Variants in EARS2 observed in about 807,000 individuals in gnomAD.
EARS2 encodes glutamyl-tRNA synthetase 2, mitochondrial, also known as nondiscriminating glutamyl-tRNA synthetase EARS2, mitochondrial.
EARS2 carries 50 observed loss-of-function variants against 54.1 expected under a neutral mutation model. The observed-to-expected ratio is 0.92, with a 90% CI of 0.74 to 1.17. EARS2 has a LOEUF of 1.17. Ranked by LOEUF, EARS2 falls within the 50% of genes most tolerant of loss-of-function variation. EARS2 has a pLI of 0.00. For missense variants in EARS2, 673 were observed against 675.0 expected (o/e 1.00, Z 0.03); for synonymous variants, 298 against 281.0 (o/e 1.06, Z -0.61).
intron 8 of EARS2, 112 bp from the exon 9 acceptor site, chr16:23,524,566 G>A (rs1050191607): frequency 6.8e-6 from 6 of 878,842 alleles, no homozygotes; most frequent in Non-Finnish European, 1.1e-5. Flanking sequence ...ACTGCTGCCT[G>A]TGTTCTGAGG....
intron 2 of EARS2, among the ~76,000 whole-genome samples, chr16:23,549,339 C>T (rs1965656365): frequency 1.3e-5 from 2 of 152,204 alleles, no homozygotes; most frequent in Admixed American, 6.5e-5. Context: ...TCGTGGCACA[C>T]CCAGTCCAGC....
intron 3 of EARS2, among the ~76,000 whole-genome samples, chr16:23,538,419 G>A (rs140794772): frequency 3.3e-4 from 50 of 152,244 alleles, no homozygotes; most frequent in Middle Eastern, 3.4e-3. Flanking sequence ...GATTACAGGC[G>A]TGAGCCACCG....
intron 1 of EARS2, among the ~76,000 whole-genome samples, chr16:23,554,624 T>A (rs1188077508): frequency 6.6e-6 from 1 of 152,142 alleles, no homozygotes; most frequent in Non-Finnish European, 1.5e-5. Flanking sequence ...GTGTGTAACC[T>A]TCGGATAGTT....
Position 23,531,738 on chromosome 16 carries a change from T to C in EARS2, c.1067+919A>G, listed in dbSNP as rs368892432. Among the ~76,000 whole-genome samples the C allele has an allele frequency of 3.3e-5, 5 of 152,220 alleles. No homozygotes were observed. In the East Asian group the frequency reaches 7.7e-4, roughly 23 times the overall value. On this transcript the variant is annotated intron_variant, in intron 5 of 8. Transcript: ENST00000449606. ...TGCAAGTAAATGCACTGATACTGTG[T>C]CCCCAAACCAGTGCTCTAGGCAAAG...
chr16:23,552,001 C>T, intron 2 of EARS2, 148 bp downstream of exon 2: 1 of 905,076 alleles, frequency 1.1e-6, no homozygotes. Context: ...CAGGTGTCAT[C>T]TGCCACCCCG....
intron 2 of EARS2, among the ~76,000 whole-genome samples, chr16:23,550,282 C>T (rs1042323811): frequency 6.6e-6 from 1 of 151,556 alleles, no homozygotes; most frequent in African/African-American, 2.4e-5. Context: ...TGAGAGGATC[C>T]CTTGAGCTCA....
chr16:23,543,211 G>A (rs562096230), intron 3 of EARS2, among the ~76,000 whole-genome samples: 2 of 151,622 alleles, frequency 1.3e-5, no homozygotes, highest in South Asian at 4.2e-4. Flanking sequence ...TTGAGGCCAG[G>A]AGTTCAAGAC....
chr16:23,557,328 T>C lies in EARS2; in HGVS notation c.16A>G (p.Arg6Gly), dbSNP rs113722817. 11,000 of 1,549,354 alleles carry C rather than the reference T, an allele frequency of 7.1e-3. 61 individuals are homozygous for C. Among genetic ancestry groups the C allele is most frequent in the Middle Eastern group, 0.011 (66 of 5,924 alleles). Reference protein sequence around the residue: MAALLRRLLQRERPSA... With the variant: MAALLGRLLQRERPSA... Reference sequence around the variant, plus strand: ...GGCCTCTCGCGCTGCAGCAGTCTCCTCAGGAGCGCCGCCATGTGGGATGGA... The same window carrying C: ...GGCCTCTCGCGCTGCAGCAGTCTCCCCAGGAGCGCCGCCATGTGGGATGGA... Residue 6 changes from arginine (R) to glycine (G), a missense_variant, in exon 1 of 9, where the codon AGG (arginine) becomes GGG (glycine). Arg to Gly is a moderately radical substitution (Grantham distance 125). Coordinates refer to ENST00000449606, the MANE Select transcript of EARS2 (RefSeq NM_001083614.2).
intron 3 of EARS2, among the ~76,000 whole-genome samples, chr16:23,540,152 T>C (rs774359049): frequency 3.3e-5 from 5 of 151,938 alleles, no homozygotes; most frequent in Non-Finnish European, 7.4e-5. Flanking sequence ...AGACCCCATC[T>C]CAAAACAAAA....
intron 3 of EARS2, among the ~76,000 whole-genome samples, chr16:23,536,704 A>G (rs1384501068): frequency 7.4e-6 from 1 of 134,638 alleles, no homozygotes; most frequent in African/African-American, 2.8e-5. Context: ...TTTTTTTGAG[A>G]TAGAGTCTCG....
At chr16:23,550,455 T>TG (rs1965676292) in intron 2 of EARS2, among the ~76,000 whole-genome samples, 1 of 147,540 alleles carries the variant, frequency 6.8e-6, no homozygotes. Flanking sequence ...TTTTTTTTTT[T>TG]GAGACAGAGT....
At chr16:23,535,615 C>T (rs113215857) in intron 3 of EARS2, among the ~76,000 whole-genome samples, 14 of 152,278 alleles carry the variant, frequency 9.2e-5, no homozygotes, top group African/African-American at 3.1e-4. Flanking sequence ...ATGCTTAGTC[C>T]GAGGGGTTGA....
chr16:23,555,957 T>C lies in EARS2; in HGVS notation c.139+1248A>G, dbSNP rs138324546. On this transcript the variant is annotated intron_variant, in intron 1 of 8. Coordinates refer to ENST00000449606, the MANE Select transcript of EARS2 (RefSeq NM_001083614.2). ...GCTAACCCAAATAAAATGAGATTGGTTTGTATTTTGGATGTTTTCAAAATT... is the reference window on the plus strand; with the variant it reads ...GCTAACCCAAATAAAATGAGATTGGCTTGTATTTTGGATGTTTTCAAAATT... Among the ~76,000 whole-genome samples the C allele has an allele frequency of 6.5e-4, 99 of 152,356 alleles. No individual in the cohort carries two copies. The East Asian group carries it at 8.1e-3, about 12-fold the overall frequency.
intron 3 of EARS2, 91 bp downstream of exon 3, chr16:23,544,423 T>TA: frequency 9.4e-6 from 12 of 1,275,120 alleles, no homozygotes; most frequent in Non-Finnish European, 1.3e-5. Context: ...AACTGAGAGG[T>TA]AATACATGTT....
At chr16:23,529,329 C>T (rs959086757) in intron 7 of EARS2, among the ~76,000 whole-genome samples, 173 bp downstream of exon 7, 3 of 152,162 alleles carry the variant, frequency 2.0e-5, no homozygotes, top group African/African-American at 4.8e-5. Flanking sequence ...AGAGAAAGCC[C>T]GGGTTCTCCG....
rs1965817232 is a variant in EARS2 at position 23,557,321 on chromosome 16, A to T, written c.23T>A (p.Leu8Gln). Residue 8 changes from leucine (L) to glutamine (Q), a missense_variant, in exon 1 of 9, where the codon CTG becomes CAG. By Grantham distance (113) the Leu-to-Gln change is moderately radical. This residue lies in a region of EARS2 where 316 missense variants were observed against 275.2 expected (regional missense o/e 1.15). Transcript: ENST00000449606. Reference sequence around the variant, plus strand: ...CGCCGAAGGCCTCTCGCGCTGCAGCAGTCTCCTCAGGAGCGCCGCCATGTG... The same window carrying T: ...CGCCGAAGGCCTCTCGCGCTGCAGCTGTCTCCTCAGGAGCGCCGCCATGTG... MAALLRR[L>Q]LQRERPSAAS... 1 of 1,539,666 alleles carries T rather than the reference A, an allele frequency of 6.5e-7. No homozygotes were observed. The highest frequency in any genetic ancestry group is 8.7e-7 in the Non-Finnish European group (1 of 1,150,724).
In EARS2 at chr16:23,552,280, C is replaced by T. The variant is rs770862902; in HGVS notation, c.164G>A (p.Arg55His). ...AAAGATGTAGTTGTACAAGGCAGTG[C>T]GGAGGCCACCCAGGTGCAAGAAGCC... Reference protein sequence around the residue: ...PTGFLHLGGLRTALYNYIFAK... With the variant: ...PTGFLHLGGLHTALYNYIFAK... Residue 55 changes from arginine (R) to histidine (H), a missense_variant, in exon 2 of 9, where the codon CGC becomes CAC. Around this residue, in one of 3 missense-constraint regions of EARS2, gnomAD observed 316 missense variants for 275.2 expected, o/e 1.15. Transcript: ENST00000449606. 108 of 1,614,034 alleles carry T rather than the reference C, an allele frequency of 6.7e-5. No homozygotes were observed. The highest frequency in any genetic ancestry group is 3.8e-5 in the Non-Finnish European group (45 of 1,180,004).
chr16:23,553,208 A>T (rs1397175056), intron 1 of EARS2: 2 of 156,022 alleles, frequency 1.3e-5, no homozygotes, highest in Admixed American at 6.5e-5. Flanking sequence ...GTCTCCAGAC[A>T]CATTTAATCC....
chr16:23,525,712 T>C (rs1965215774), intron 7 of EARS2, among the ~76,000 whole-genome samples: 1 of 152,140 alleles, frequency 6.6e-6, no homozygotes, highest in Non-Finnish European at 1.5e-5. Context: ...TAATAGTATC[T>C]GAGGCTGGCG....
Sources: allele counts gnomAD v4.1 joint callset (sites outside exome capture counted in the v4.1 genomes callset), GRCh38; gene constraint gnomAD v4.1.1; regional missense constraint gnomAD v4.1.1; transcripts MANE v1.5; gene names NCBI Gene and HGNC (gene_info 2026-07-23, HGNC 2026-07-21).